The following PDZRN4 variants were observed in gnomAD, a reference collection of about 807,000 sequenced individuals.
PDZRN4 encodes the protein PDZ domain containing ring finger 4, also known as PDZ domain-containing RING finger protein 4.
Under a neutral mutation model 99.0 loss-of-function variants are expected in PDZRN4, and 70 were observed. That is an observed-to-expected ratio of 0.71 (90% confidence interval 0.58 to 0.86). The LOEUF is 0.86. Among genes scored for constraint, PDZRN4 ranks in the 40% least tolerant of loss-of-function variants. The pLI, the probability that PDZRN4 is intolerant of heterozygous loss-of-function variation, is 0.00. For missense variants in PDZRN4, 1,474 were observed against 1,331.2 expected (o/e 1.11, Z -1.67); for synonymous variants, 551 against 501.6 (o/e 1.10, Z -1.32).
intron 3 of PDZRN4, among the ~76,000 whole-genome samples, chr12:41,273,956 G>A (rs1318037564): frequency 6.6e-6 from 1 of 151,926 alleles, no homozygotes; most frequent in Non-Finnish European, 1.5e-5. Context: ...ATGCAAGCTT[G>A]GTCAGCAACC....
intron 3 of PDZRN4, among the ~76,000 whole-genome samples, chr12:41,444,814 G>A (rs1440841037): frequency 1.3e-5 from 2 of 152,020 alleles, no homozygotes; most frequent in Non-Finnish European, 2.9e-5. Context: ...GATGTTCAGA[G>A]AGTGATGATA....
rs1479226242 is a variant in PDZRN4, at chr12:41,552,735, C to G, written c.1283C>G (p.Thr428Ser). The G allele has an allele frequency of 6.2e-7, 1 of 1,613,344 alleles. No homozygotes were observed. The highest frequency in any genetic ancestry group is 8.5e-7 in the Non-Finnish European group (1 of 1,179,510). ...TACCGAACAGATGATGAAGAAGACA[C>G]CGGCATTTATGTCAGCGAGGTAAGA... ...VCYRTDDEED[T>S]GIYVSEVDPN... is the part of the protein sequence containing the mutation. The change falls in exon 6 of 10, where the codon ACC becomes AGC. Residue 428 changes from threonine (T) to serine (S), a missense_variant. Physicochemically the swap from Thr to Ser is moderately conservative, Grantham distance 58. Transcript: ENST00000402685.
At chr12:41,421,826 G>A (rs1266298188) in intron 3 of PDZRN4, among the ~76,000 whole-genome samples, 3 of 152,030 alleles carry the variant, frequency 2.0e-5, no homozygotes, top group African/African-American at 4.8e-5. Flanking sequence ...CTGAAAAATA[G>A]TAAAGTATTA....
chr12:41,249,195 A>C (rs1951152836), intron 3 of PDZRN4, among the ~76,000 whole-genome samples: 1 of 152,214 alleles, frequency 6.6e-6, no homozygotes, highest in African/African-American at 2.4e-5. Flanking sequence ...CTAAACATGC[A>C]GGTAGGTATG....
At chr12:41,484,915 T>C (rs1306945111) in intron 3 of PDZRN4, among the ~76,000 whole-genome samples, 1 of 152,154 alleles carries the variant, frequency 6.6e-6, no homozygotes. Flanking sequence ...TTGCGTCTTT[T>C]AGATTGTAAC....
chr12:41,339,431 G>A (rs567065737), intron 3 of PDZRN4, among the ~76,000 whole-genome samples: 54 of 151,990 alleles, frequency 3.6e-4, no homozygotes, highest in Non-Finnish European at 6.2e-4. Context: ...TCAAAATGAA[G>A]TAAAGATTTA....
At chr12:41,256,818 AGGGAAT>A (rs1286235394) in intron 3 of PDZRN4, among the ~76,000 whole-genome samples, 1 of 152,160 alleles carries the variant, frequency 6.6e-6, no homozygotes, top group Non-Finnish European at 1.5e-5. Flanking sequence ...TGCCTATCTC[AGGGAAT>A]GGTATGTCCA....
chr12:41,212,134 A>G (rs1950892324), intron 3 of PDZRN4, among the ~76,000 whole-genome samples: 1 of 151,964 alleles, frequency 6.6e-6, no homozygotes, highest in South Asian at 2.1e-4. Context: ...ACATGTTCCA[A>G]AATCTCTGTG....
At chr12:41,397,249 CCTCT>C (rs1952253825) in intron 3 of PDZRN4, among the ~76,000 whole-genome samples, 1 of 152,082 alleles carries the variant, frequency 6.6e-6, no homozygotes, top group East Asian at 1.9e-4. Context: ...ACTTCATTGA[CCTCT>C]CTCTCCCTTC....
chr12:41,368,143 T>C (rs1444088359), intron 3 of PDZRN4, among the ~76,000 whole-genome samples: 1 of 151,960 alleles, frequency 6.6e-6, no homozygotes, highest in Non-Finnish European at 1.5e-5. Flanking sequence ...AAAAATAAGA[T>C]CGTTCCTCAC....
At chr12:41,236,631 G>A (rs1164217493) in intron 3 of PDZRN4, among the ~76,000 whole-genome samples, 1 of 152,108 alleles carries the variant, frequency 6.6e-6, no homozygotes, top group Non-Finnish European at 1.5e-5. Context: ...AATGGGTGTG[G>A]GGGAGTGGGA....
intron 3 of PDZRN4, among the ~76,000 whole-genome samples, chr12:41,451,064 G>A (rs922126965): frequency 1.3e-5 from 2 of 151,754 alleles, no homozygotes; most frequent in Admixed American, 6.6e-5. Context: ...ATGGAAGACT[G>A]TTATAGTCTA....
Position 41,315,500 on chromosome 12 carries a change from G to A in PDZRN4, c.843+121312G>A, listed in dbSNP as rs1238075182. 3.9e-5 allele frequency among the ~76,000 whole-genome samples: 6 copies of A among 152,168 alleles called. No homozygotes were observed. The East Asian group carries it at 1.2e-3, about 29-fold the overall frequency. ...AGTAAAATATAAAAAATTAATATGA[G>A]CATAAAGATTCCAATATTATTTGTT... On this transcript the variant is annotated intron_variant, in intron 3 of 9. Coordinates refer to ENST00000402685, the MANE Select transcript of PDZRN4 (RefSeq NM_001164595.2).
chr12:41,519,960 ATCCAAG>A (rs1396433215), intron 5 of PDZRN4, among the ~76,000 whole-genome samples: 3 of 151,950 alleles, frequency 2.0e-5, no homozygotes, highest in Admixed American at 6.6e-5. Flanking sequence ...CCTCCCACTA[ATCCAAG>A]TGTGATGTGG....
intron 3 of PDZRN4, among the ~76,000 whole-genome samples, chr12:41,207,297 A>G (rs1950857649): frequency 6.6e-6 from 1 of 151,834 alleles, no homozygotes; most frequent in Non-Finnish European, 1.5e-5. Flanking sequence ...AATTAACCCT[A>G]AGATAAAGTT....
At chr12:41,283,697 G>A (rs1032560895) in intron 3 of PDZRN4, among the ~76,000 whole-genome samples, 16 of 152,200 alleles carry the variant, frequency 1.1e-4, no homozygotes, top group Admixed American at 3.9e-4. Flanking sequence ...ATGCAAGGCT[G>A]GTTCAACATA....
intron 3 of PDZRN4, among the ~76,000 whole-genome samples, chr12:41,464,466 A>G (rs531672941): frequency 6.6e-6 from 1 of 152,360 alleles, no homozygotes; most frequent in Admixed American, 6.5e-5. Flanking sequence ...GAGCCAGTCT[A>G]GACATGAGAT....
At chr12:41,552,341 T>C (rs1467081013) in intron 5 of PDZRN4, among the ~76,000 whole-genome samples, 2 of 152,188 alleles carry the variant, frequency 1.3e-5, no homozygotes, top group Non-Finnish European at 2.9e-5. Flanking sequence ...TTGATTCCAG[T>C]GTATTCATGT....
rs151027529 is a variant in PDZRN4, at chr12:41,405,091, C to CA, written c.844-101357dup. Among the ~76,000 whole-genome samples, 737 of 151,290 alleles carry CA rather than the reference C, an allele frequency of 4.9e-3. 9 individuals carry two copies. The highest frequency in any genetic ancestry group is 0.017 in the African/African-American group (698 of 41,318). On this transcript the variant is annotated intron_variant, in intron 3 of 9. Coordinates refer to ENST00000402685, the MANE Select transcript of PDZRN4 (RefSeq NM_001164595.2). ...TTGGCTAAGTCCCCAAAAGCAATTG[C>CA]AAAAAAAATAAGAATTGACAAGTGG...
Sources: allele counts gnomAD v4.1 joint callset (sites outside exome capture counted in the v4.1 genomes callset), GRCh38; gene constraint gnomAD v4.1.1; transcripts MANE v1.5; gene names NCBI Gene and HGNC (gene_info 2026-07-23, HGNC 2026-07-21).